Variants in SYNDIG1 observed in about 807,000 individuals in gnomAD.
The protein encoded by SYNDIG1 is synapse differentiation inducing 1.
Under a neutral mutation model 19.4 loss-of-function variants are expected in SYNDIG1, and 9 were observed. That is an observed-to-expected ratio of 0.46 (90% CI 0.28 to 0.81). SYNDIG1 has a LOEUF of 0.81. Ranked by LOEUF, SYNDIG1 falls within the 30% of genes least tolerant of loss-of-function variation. The pLI is 0.12. For synonymous variants in SYNDIG1, 141 were observed against 145.9 expected, an observed-to-expected ratio of 0.97 and a Z score of 0.24; for missense variants, 311 against 343.3, an observed-to-expected ratio of 0.91 and a Z score of 0.74.
chr20:24,501,149 A>G (rs1354685443), intron 1 of SYNDIG1, among the ~76,000 whole-genome samples: 2 of 152,238 alleles, frequency 1.3e-5, no homozygotes, highest in African/African-American at 2.4e-5. Flanking sequence ...TGTAGACAGC[A>G]TATTTACATA....
intron 1 of SYNDIG1, among the ~76,000 whole-genome samples, chr20:24,526,610 A>G (rs957206334): frequency 1.3e-5 from 2 of 152,174 alleles, no homozygotes; most frequent in African/African-American, 4.8e-5. Context: ...TAGATATATA[A>G]TCAATGTTTG....
chr20:24,535,391 T>G (rs1462710268), intron 1 of SYNDIG1, among the ~76,000 whole-genome samples: 1 of 152,222 alleles, frequency 6.6e-6, no homozygotes, highest in South Asian at 2.1e-4. Context: ...CCTTCCCAAA[T>G]GGAAGGTTTA....
chr20:24,660,295 A>G (rs925790471), intron 3 of SYNDIG1, among the ~76,000 whole-genome samples: 2 of 152,240 alleles, frequency 1.3e-5, no homozygotes, highest in Admixed American at 1.3e-4. Flanking sequence ...TGATGTATCT[A>G]TATGTTCAGC....
chr20:24,484,499 G>T (rs58411424), intron 1 of SYNDIG1, among the ~76,000 whole-genome samples: 4 of 152,124 alleles, frequency 2.6e-5, no homozygotes, highest in African/African-American at 9.7e-5. Context: ...TCACGTCACT[G>T]TCGCCACACT....
At chr20:24,566,669 G>A (rs2058047961) in intron 2 of SYNDIG1, among the ~76,000 whole-genome samples, 1 of 152,144 alleles carries the variant, frequency 6.6e-6, no homozygotes, top group African/African-American at 2.4e-5. Flanking sequence ...AAAGAAAAAT[G>A]GTTTGGGAGC....
At chr20:24,560,756 C>T (rs1244518243) in intron 2 of SYNDIG1, among the ~76,000 whole-genome samples, 1 of 125,564 alleles carries the variant, frequency 8.0e-6, no homozygotes, top group South Asian at 2.5e-4. Context: ...CTATACCTGG[C>T]TAGTATTTTT....
intron 2 of SYNDIG1, among the ~76,000 whole-genome samples, chr20:24,582,077 C>G (rs573581762): frequency 5.1e-5 from 7 of 137,130 alleles, no homozygotes; most frequent in East Asian, 2.3e-4. Flanking sequence ...TGTCCTCCCC[C>G]CTGCATGGCC....
At chr20:24,532,925 C>T (rs1053949850) in intron 1 of SYNDIG1, among the ~76,000 whole-genome samples, 8 of 152,218 alleles carry the variant, frequency 5.3e-5, no homozygotes, top group African/African-American at 1.9e-4. Flanking sequence ...CACCAGGGCA[C>T]ATCCTGGAGG....
chr20:24,600,509 T>A lies in SYNDIG1; in HGVS notation c.618+15516T>A, dbSNP rs535253203. ...CCCTTCCTCCCCACCCAGTGACCAC[T>A]GGAATGACCTCCACAGAACACACTT... On this transcript the variant is annotated intron_variant, in intron 3 of 3. Coordinates refer to ENST00000376862, the MANE Select transcript of SYNDIG1 (RefSeq NM_024893.3). Among the ~76,000 whole-genome samples, 6 of 152,190 alleles carry A rather than the reference T, an allele frequency of 3.9e-5. No individual in the cohort carries two copies. The East Asian group carries it at 9.7e-4, about 25-fold the overall frequency.
At chr20:24,577,296 G>C (rs527497317) in intron 2 of SYNDIG1, among the ~76,000 whole-genome samples, 1 of 152,230 alleles carries the variant, frequency 6.6e-6, no homozygotes, top group Non-Finnish European at 1.5e-5. Flanking sequence ...GAAGAAGCCT[G>C]GTGCAGAGAG....
chr20:24,524,036 G>C (rs574984060), intron 1 of SYNDIG1, among the ~76,000 whole-genome samples: 5 of 152,322 alleles, frequency 3.3e-5, no homozygotes, highest in Admixed American at 3.3e-4. Context: ...CAGACAGGCT[G>C]CTGTGAGCTA....
At chr20:24,651,544 A>G (rs2059474454) in intron 3 of SYNDIG1, among the ~76,000 whole-genome samples, 1 of 152,210 alleles carries the variant, frequency 6.6e-6, no homozygotes, top group Admixed American at 6.5e-5. Flanking sequence ...TATTTAAAAC[A>G]AGGAAATTTA....
chr20:24,636,095 G>T (rs1276265798), intron 3 of SYNDIG1, among the ~76,000 whole-genome samples: 1 of 152,156 alleles, frequency 6.6e-6, no homozygotes, highest in Non-Finnish European at 1.5e-5. Context: ...TATGAACAAT[G>T]TTCCAATCAA....
chr20:24,652,050 GA>G (rs1186653984), intron 3 of SYNDIG1, among the ~76,000 whole-genome samples: 1 of 152,124 alleles, frequency 6.6e-6, no homozygotes, highest in Admixed American at 6.5e-5. Flanking sequence ...TTATGAGACA[GA>G]AAAAAATGGT....
intron 1 of SYNDIG1, among the ~76,000 whole-genome samples, chr20:24,498,352 AAGTGTATATTATAT>A (rs2056352164): frequency 6.6e-6 from 1 of 152,224 alleles, no homozygotes; most frequent in Non-Finnish European, 1.5e-5. Flanking sequence ...GCAAAATTAT[AAGTGTATATTATAT>A]AGTGTATATT....
At chr20:24,479,018 C>A (rs971308705) in intron 1 of SYNDIG1, among the ~76,000 whole-genome samples, 10 of 152,320 alleles carry the variant, frequency 6.6e-5, no homozygotes, top group African/African-American at 2.4e-4. Flanking sequence ...TTAGACACTG[C>A]CCAGAAATGC....
At chr20:24,655,412 C>T (rs905384533) in intron 3 of SYNDIG1, among the ~76,000 whole-genome samples, 10 of 152,082 alleles carry the variant, frequency 6.6e-5, no homozygotes, top group African/African-American at 2.4e-4. Context: ...CAGAGGTTTC[C>T]AAGAAAGCGA....
intron 3 of SYNDIG1, among the ~76,000 whole-genome samples, chr20:24,661,313 AGG>A (rs1239992943): frequency 1.0e-5 from 1 of 96,086 alleles, no homozygotes; most frequent in Non-Finnish European, 2.1e-5. Context: ...GAGGGAGGAA[AGG>A]GGAGGGAGGG....
At chr20:24,566,094 AG>A (rs2058037391) in intron 2 of SYNDIG1, among the ~76,000 whole-genome samples, 1 of 152,156 alleles carries the variant, frequency 6.6e-6, no homozygotes, top group Non-Finnish European at 1.5e-5. Context: ...GAATTCATGC[AG>A]GGGAGCTGTC....
Sources: allele counts gnomAD v4.1 joint callset (sites outside exome capture counted in the v4.1 genomes callset), GRCh38; gene constraint gnomAD v4.1.1; transcripts MANE v1.5; gene names NCBI Gene and HGNC (gene_info 2026-07-23, HGNC 2026-07-21).